Variants in JPH1 observed in about 807,000 individuals in gnomAD.
JPH1 encodes junctophilin-1.
Under a neutral mutation model 53.6 loss-of-function variants are expected in JPH1, and 12 were observed. The ratio of observed to expected loss-of-function variants is 0.22; its 90% confidence interval spans 0.14 to 0.36. The LOEUF (loss-of-function observed/expected upper bound fraction) is 0.36, where lower values mean the gene tolerates loss of function less well. JPH1 is among the 10% of genes least tolerant of loss of function. The pLI, the probability that JPH1 is intolerant of heterozygous loss-of-function variation, is 1.00. For missense variants in JPH1, 808 were observed against 905.5 expected (o/e 0.89, Z 1.38); for synonymous variants, 375 against 363.8 (o/e 1.03, Z -0.35).
chr8:74,317,725 T>C (rs1049694493), intron 1 of JPH1, among the ~76,000 whole-genome samples: 1 of 152,240 alleles, frequency 6.6e-6, no homozygotes, highest in Non-Finnish European at 1.5e-5. Flanking sequence ...AGATGCTGTT[T>C]GATATCAATA....
At chr8:74,255,962 A>G (rs949021298) in intron 3 of JPH1, among the ~76,000 whole-genome samples, 1 of 152,194 alleles carries the variant, frequency 6.6e-6, no homozygotes, top group African/African-American at 2.4e-5. Flanking sequence ...AACTAGTTCA[A>G]CCATTGTGGA....
In JPH1 at chr8:74,315,662, G is replaced by GCTGCACCGTCAC. The variant is rs764178168; in HGVS notation, c.380-54_380-43dup. On this transcript the variant is annotated intron_variant, in intron 1 of 5. Transcript: ENST00000342232. The surrounding 1 kb of genome is among the most constrained non-coding windows in gnomAD (Gnocchi z 6.3). The stretch of plus-strand genomic sequence containing the variant: ...GAAAGCACCGTGAGTCGGGGGCAGA[G>GCTGCACCGTCAC]CTGCACCGTCACCTGCACCATCCAG... 3 of 1,542,322 alleles carry GCTGCACCGTCAC rather than the reference G, an allele frequency of 1.9e-6. No homozygotes were observed. The East Asian group carries it at 6.8e-5, about 35-fold the overall frequency.
At position 74,244,750 on chromosome 8, in the gene JPH1, G is replaced by A. The variant is rs1805801238; in HGVS notation, c.1684C>T (p.His562Tyr). The part of the protein sequence containing the change: ...GYYVKLNAPQ[H>Y]PPVDVEDGDG... ...CCGTCCTCCACGTCTACTGGAGGGTGCTGGGGGGCGTTCAGCTTCACGTAG... is the reference window on the plus strand; with the variant it reads ...CCGTCCTCCACGTCTACTGGAGGGTACTGGGGGGCGTTCAGCTTCACGTAG... Residue 562 changes from histidine (H) to tyrosine (Y), a missense_variant, in exon 4 of 6, where the codon CAC becomes TAC. Coordinates refer to ENST00000342232, the MANE Select transcript of JPH1 (RefSeq NM_020647.4). 1 of 1,614,212 alleles carries A rather than the reference G, an allele frequency of 6.2e-7. No homozygotes were observed. Among genetic ancestry groups the A allele is most frequent in the Non-Finnish European group, 8.5e-7 (1 of 1,180,048 alleles).
rs901092163 is a variant in JPH1 at position 74,235,711 on chromosome 8, G to A, written c.*1340C>T. On this transcript the variant is annotated 3_prime_UTR_variant, in exon 6 of 6. Coordinates refer to ENST00000342232, the MANE Select transcript of JPH1 (RefSeq NM_020647.4). ...ATAACAAAGGGTAAATTATAAAACAGCAAAAATCCAGAAATGTCAGAATGA... is the reference window on the plus strand; with the variant it reads ...ATAACAAAGGGTAAATTATAAAACAACAAAAATCCAGAAATGTCAGAATGA... 2 of 152,474 alleles carry A rather than the reference G, an allele frequency of 1.3e-5. No individual in the cohort carries two copies. The highest frequency in any genetic ancestry group is 4.8e-5 in the African/African-American group (2 of 41,400). The allele number at this position is 152,474 out of a possible 1,614,324, so 9.4% of individuals were successfully genotyped here. A position where few individuals can be genotyped will look rare whatever the true frequency, so the allele number is the denominator to read the frequency against.
At chr8:74,309,019 AC>A (rs1454618835) in intron 2 of JPH1, among the ~76,000 whole-genome samples, 1 of 152,254 alleles carries the variant, frequency 6.6e-6, no homozygotes, top group African/African-American at 2.4e-5. Context: ...AAATTGGCAA[AC>A]ATGGCATCCA....
In JPH1 at chr8:74,312,961, A is replaced by T. The variant is rs73689726; in HGVS notation, c.1139+1900T>A. ...TCCCAAATGAAATAATACTACCCCC[A>T]AAAGACTTGCAACAGAGAGAACATG... On this transcript the variant is annotated intron_variant, in intron 2 of 5. Transcript: ENST00000342232. Among the ~76,000 whole-genome samples the T allele has an allele frequency of 7.5e-3, 1,144 of 152,342 alleles. 16 individuals are homozygous for T. Among genetic ancestry groups the T allele is most frequent in the African/African-American group, 0.026 (1,097 of 41,566 alleles).
At position 74,244,776 on chromosome 8, in the gene JPH1, T is replaced by C. The variant is rs751196554; in HGVS notation, c.1658A>G (p.Tyr553Cys). Residue 553 changes from tyrosine (Y) to cysteine (C), a missense_variant, in exon 4 of 6, where the codon TAC becomes TGC. By Grantham distance (194) the Tyr-to-Cys change is radical. Transcript: ENST00000342232. ...NGELHSQYHG[Y>C]YVKLNAPQHP... ...CTGGGGGGCGTTCAGCTTCACGTAG[T>C]AGCCGTGATACTGAGAATGCAGCTC... 1 of 1,614,088 alleles carries C rather than the reference T, an allele frequency of 6.2e-7. No individual in the cohort carries two copies. Among genetic ancestry groups the C allele is most frequent in the East Asian group, 2.2e-5 (1 of 44,890 alleles).
chr8:74,320,838 T>C lies in JPH1; in HGVS notation c.379+71A>G. The C allele has an allele frequency of 7.1e-7, 1 of 1,415,770 alleles. No homozygotes were observed. Among genetic ancestry groups the C allele is most frequent in the Non-Finnish European group, 9.2e-7 (1 of 1,084,550 alleles). The allele number at this position is 1,415,770 out of a possible 1,614,324, so 87.7% of individuals were successfully genotyped here. On this transcript the variant is annotated intron_variant, in intron 1 of 5. Transcript: ENST00000342232. The surrounding 1 kb of genome is among the most constrained non-coding windows in gnomAD (Gnocchi z 4.4). ...CACGTGCGCCCGGCGTCCTCCCCGC[T>C]TCCCCGCAGCCGGGGCAGAGCCCAC...
intron 4 of JPH1, among the ~76,000 whole-genome samples, chr8:74,239,615 T>A (rs189314404): frequency 3.7e-4 from 56 of 152,310 alleles, no homozygotes; most frequent in Admixed American, 2.6e-4. Context: ...GATCTTTCAA[T>A]GTCACAACTG....
intron 2 of JPH1, among the ~76,000 whole-genome samples, chr8:74,289,597 C>A (rs1473187624): frequency 1.3e-5 from 2 of 152,178 alleles, no homozygotes; most frequent in Non-Finnish European, 2.9e-5. Context: ...TGCCTAAATC[C>A]TTGTCATGGT....
intron 2 of JPH1, among the ~76,000 whole-genome samples, chr8:74,305,982 G>A (rs1045868170): frequency 6.6e-6 from 1 of 152,144 alleles, no homozygotes; most frequent in Non-Finnish European, 1.5e-5. Context: ...CCGGACTTGG[G>A]AGGGCTGGAG....
chr8:74,321,026 G>C lies in JPH1; in HGVS notation c.262C>G (p.His88Asp). ...ACCCCGTAGCGCCCCTTGAAACCAT[G>C]TGACCACTCCCCCCGGTACATCCAC... ...GKWMYRGEWS[H>D]GFKGRYGVRQ... The change falls in exon 1 of 6, where the codon CAT becomes GAT. Residue 88 changes from histidine to aspartate, a missense_variant. By Grantham distance (81) the His-to-Asp change is moderately conservative (BLOSUM62 -1). Coordinates refer to ENST00000342232, the MANE Select transcript of JPH1 (RefSeq NM_020647.4). This position sits in a 1 kb window ranked among gnomAD's most constrained non-coding sequence, Gnocchi z 4.3. 1 of 1,613,186 alleles carries C rather than the reference G, an allele frequency of 6.2e-7. No homozygotes were observed. Among genetic ancestry groups the C allele is most frequent in the Admixed American group, 1.7e-5 (1 of 59,946 alleles).
At chr8:74,258,733 G>A (rs146161861) in intron 3 of JPH1, among the ~76,000 whole-genome samples, 14 of 152,232 alleles carry the variant, frequency 9.2e-5, no homozygotes, top group African/African-American at 3.1e-4. Flanking sequence ...TATAGAATCT[G>A]TAGCTGTCAC....
chr8:74,244,894 A>C lies in JPH1; in HGVS notation c.1540T>G (p.Leu514Val). The C allele has an allele frequency of 6.2e-7, 1 of 1,614,092 alleles. No homozygotes were observed. The highest frequency in any genetic ancestry group is 1.1e-5 in the South Asian group (1 of 91,076). ...TCCTTCGTGGGAGCCTTTGACATCAAGGGCTTATTGACAATGGCCGTCACC... is the reference window on the plus strand; with the variant it reads ...TCCTTCGTGGGAGCCTTTGACATCACGGGCTTATTGACAATGGCCGTCACC... ...EQVTAIVNKPLMSKAPTKEAG... is the reference protein window; with the variant it reads ...EQVTAIVNKPVMSKAPTKEAG... Residue 514 changes from leucine (L) to valine (V), a missense_variant, in exon 4 of 6, where the codon TTG becomes GTG. Around this residue, in one of 2 missense-constraint regions of JPH1, gnomAD observed 756 missense variants for 811.9 expected, o/e 0.93. Transcript: ENST00000342232.
chr8:74,291,514 T>C (rs1563413670), intron 2 of JPH1, among the ~76,000 whole-genome samples: 1 of 152,138 alleles, frequency 6.6e-6, no homozygotes, highest in Non-Finnish European at 1.5e-5. Flanking sequence ...TAGGAACACT[T>C]TTACACTGTT....
At chr8:74,242,872 G>C (rs762805588) in intron 4 of JPH1, among the ~76,000 whole-genome samples, 4 of 152,216 alleles carry the variant, frequency 2.6e-5, no homozygotes, top group Non-Finnish European at 4.4e-5. Context: ...AAGTAAAACA[G>C]ATGTTTTTTC....
intron 3 of JPH1, among the ~76,000 whole-genome samples, chr8:74,252,984 G>C (rs569619008): frequency 6.6e-6 from 1 of 151,924 alleles, no homozygotes; most frequent in African/African-American, 2.4e-5. Context: ...ACAGATCAAC[G>C]AGACAGAAAG....
chr8:74,237,972 T>C (rs1035889082), intron 4 of JPH1, among the ~76,000 whole-genome samples: 10 of 152,232 alleles, frequency 6.6e-5, no homozygotes, highest in African/African-American at 2.2e-4. Context: ...ATAAATATCA[T>C]TATAATAAAT....
Position 74,319,376 on chromosome 8 carries a change from G to A in JPH1, c.379+1533C>T, listed in dbSNP as rs372891073. On this transcript the variant is annotated intron_variant, in intron 1 of 5. Transcript: ENST00000342232. Reference sequence around the variant, plus strand: ...GAATTTAGTTATATAGTAGAGCTGGGGCCTCCAACAAAATCCAGTCACAAA... The same window carrying A: ...GAATTTAGTTATATAGTAGAGCTGGAGCCTCCAACAAAATCCAGTCACAAA... Among the ~76,000 whole-genome samples the A allele has an allele frequency of 5.1e-4, 77 of 152,104 alleles. No individual in the cohort carries two copies. The South Asian group carries it at 0.015, about 30-fold the overall frequency.
Sources: gnomAD v4.1 joint callset for allele counts (sites outside exome capture counted in the v4.1 genomes callset) on GRCh38, gnomAD v4.1.1 for gene constraint, gnomAD v4.1.1 regional missense constraint, Gnocchi (gnomAD v3.1) non-coding constraint, MANE v1.5 for transcripts, NCBI Gene and HGNC (gene_info 2026-07-23, HGNC 2026-07-21) for gene names.